The following PCCB variants were observed in gnomAD, a reference collection of about 807,000 sequenced individuals.
The protein encoded by PCCB is propionyl-CoA carboxylase beta chain, mitochondrial.
A neutral mutation model predicts 60.7 loss-of-function variants in PCCB; 43 were observed. The observed-to-expected ratio is 0.71, with a 90% CI of 0.55 to 0.91. PCCB has a LOEUF of 0.91. Ranked by LOEUF, PCCB falls within the 40% of genes least tolerant of loss-of-function variation. The probability of loss-of-function intolerance (pLI) is 0.00; values close to 1 mark genes in which losing one functional copy is unlikely to be tolerated. For missense variants in PCCB, 766 were observed against 702.8 expected, an observed-to-expected ratio of 1.09 and a Z score of -1.02; for synonymous variants, 276 against 255.9, an observed-to-expected ratio of 1.08 and a Z score of -0.75.
chr3:136,287,273 G>A (rs578084203), intron 6 of PCCB, among the ~76,000 whole-genome samples: 4 of 152,112 alleles, frequency 2.6e-5, no homozygotes, highest in Admixed American at 6.5e-5. Flanking sequence ...TGACCTTTAC[G>A]TTAAGTGAAA....
At chr3:136,300,948 C>A (rs1934249159) in intron 8 of PCCB, 82 bp from the exon 9 acceptor site, 1 of 979,276 alleles carries the variant, frequency 1.0e-6, no homozygotes, top group Non-Finnish European at 1.7e-6. Context: ...ACGTGTCACC[C>A]CATTTCCTTT....
At chr3:136,301,428 C>T (rs1383107673) in intron 9 of PCCB, among the ~76,000 whole-genome samples, 3 of 152,072 alleles carry the variant, frequency 2.0e-5, no homozygotes, top group South Asian at 4.2e-4. Flanking sequence ...TAGAGTGAGG[C>T]CAGAGTGATC....
chr3:136,300,065 AAC>A (rs1331717140), intron 8 of PCCB, among the ~76,000 whole-genome samples: 2 of 151,322 alleles, frequency 1.3e-5, no homozygotes, highest in Non-Finnish European at 3.0e-5. Context: ...CATGCATATC[AAC>A]ACATATATGC....
intron 10 of PCCB, among the ~76,000 whole-genome samples, chr3:136,325,572 G>A (rs1280370357): frequency 1.3e-5 from 2 of 151,850 alleles, no homozygotes; most frequent in Non-Finnish European, 1.5e-5. Context: ...TGGCCAGGCT[G>A]GTCTTGAACT....
chr3:136,320,691 T>TA (rs1316052837), intron 10 of PCCB, among the ~76,000 whole-genome samples: 1 of 152,240 alleles, frequency 6.6e-6, no homozygotes, highest in Non-Finnish European at 1.5e-5. Flanking sequence ...TTGTGAATAT[T>TA]ATGAAAGTTG....
At chr3:136,274,235 T>C (rs1385145994) in intron 5 of PCCB, among the ~76,000 whole-genome samples, 1 of 152,142 alleles carries the variant, frequency 6.6e-6, no homozygotes. Flanking sequence ...GTGGGTTTTA[T>C]CTTTCAAGAG....
chr3:136,277,760 C>T (rs1319676240), intron 5 of PCCB, among the ~76,000 whole-genome samples: 1 of 152,188 alleles, frequency 6.6e-6, no homozygotes, highest in African/African-American at 2.4e-5. Context: ...ATCTCACTCC[C>T]TCTGTGCTCT....
At chr3:136,281,107 T>A (rs766761837) in intron 5 of PCCB, among the ~76,000 whole-genome samples, 1 of 152,076 alleles carries the variant, frequency 6.6e-6, no homozygotes, top group Non-Finnish European at 1.5e-5. Context: ...TCCGTGTAGA[T>A]CTCTTTGAGT....
chr3:136,318,782 G>A (rs1414411390), intron 10 of PCCB, among the ~76,000 whole-genome samples: 1 of 152,166 alleles, frequency 6.6e-6, no homozygotes, highest in African/African-American at 2.4e-5. Flanking sequence ...TATGTTGCAT[G>A]TATATACCAC....
chr3:136,261,995 T>C lies in PCCB; in HGVS notation c.473T>C (p.Leu158Pro). Residue 158 changes from leucine (L) to proline (P), a missense_variant, in exon 5 of 15, where the codon CTG becomes CCG. Transcript: ENST00000251654. ...AITVGAPVIGLNDSGGARIQE... is the reference protein window; with the variant it reads ...AITVGAPVIGPNDSGGARIQE... ...ACGGTGGGGGCTCCAGTGATTGGGC[T>C]GAATGACTCTGGGGGAGCACGGATC... The C allele has an allele frequency of 6.4e-7, 1 of 1,562,246 alleles. No individual in the cohort carries two copies. The highest frequency in any genetic ancestry group is 8.7e-7 in the Non-Finnish European group (1 of 1,152,044).
Position 136,298,151 on chromosome 3 carries a change from C to A in PCCB, c.884+79C>A. ...TCTGCCCTGACAGGACCCCCAGGGT[C>A]TGCCTTGTTGGGCAAGTTGCAGCAG... On this transcript the variant is annotated intron_variant, in intron 8 of 14. Transcript: ENST00000251654. The A allele has an allele frequency of 1.9e-6, 3 of 1,588,836 alleles. No homozygotes were observed. The highest frequency in any genetic ancestry group is 2.6e-6 in the Non-Finnish European group (3 of 1,161,172).
intron 10 of PCCB, among the ~76,000 whole-genome samples, chr3:136,325,883 A>C (rs575628514): frequency 6.6e-6 from 1 of 151,884 alleles, no homozygotes; most frequent in Non-Finnish European, 1.5e-5. Flanking sequence ...GCATGATTTC[A>C]GCTCACTGCA....
chr3:136,329,860 A>G (rs199723869), intron 14 of PCCB, 45 bp from the exon 15 acceptor site: 500 of 1,611,972 alleles, frequency 3.1e-4, no homozygotes, highest in Admixed American at 5.0e-4. Flanking sequence ...GGGTGGCATC[A>G]TCTCGGGATG....
chr3:136,261,681 A>G (rs576700967), intron 4 of PCCB, among the ~76,000 whole-genome samples: 74 of 152,336 alleles, frequency 4.9e-4, no homozygotes, highest in Non-Finnish European at 3.2e-4. Flanking sequence ...CTGTGGTTCT[A>G]GAAATGGTTG....
chr3:136,327,532 ATTC>A (rs760752863), intron 12 of PCCB, 99 bp from the exon 13 acceptor site: 38 of 893,256 alleles, frequency 4.3e-5, no homozygotes, highest in Non-Finnish European at 5.4e-5. Flanking sequence ...CAGTAGGGCT[ATTC>A]TTGTTCTTTG....
chr3:136,273,597 C>CTTTTTTCT (rs1942259074), intron 5 of PCCB, among the ~76,000 whole-genome samples: 1 of 45,222 alleles, frequency 2.2e-5, no homozygotes, highest in Non-Finnish European at 4.2e-5. Flanking sequence ...TTTCTTTTTT[C>CTTTTTTCT]TTTTTTTTTT....
Position 136,301,102 on chromosome 3 carries a change from C to A in PCCB, c.957C>A (p.Ile319=), listed in dbSNP as rs868483670. Residue 319 remains isoleucine (I), a synonymous_variant, in exon 9 of 15, where the codon ATC becomes ATA. Transcript: ENST00000251654. ...CCAAAGCCTACAACATGGTGGACAT[C>A]ATACACTCTGTAAGTGCCACATCTG... The part of the protein sequence containing the change: ...ESTKAYNMVD[I]IHSVVDEREF... The A allele has an allele frequency of 3.7e-6, 6 of 1,611,630 alleles. No individual in the cohort carries two copies. The highest frequency in any genetic ancestry group is 5.1e-6 in the Non-Finnish European group (6 of 1,177,788).
intron 5 of PCCB, among the ~76,000 whole-genome samples, chr3:136,273,176 G>T (rs1416443048): frequency 6.6e-6 from 1 of 152,100 alleles, no homozygotes; most frequent in East Asian, 1.9e-4. Context: ...AGTCTGAGAA[G>T]ATACTTGATA....
intron 10 of PCCB, among the ~76,000 whole-genome samples, chr3:136,322,998 GTTTTTT>G (rs35582341): frequency 8.2e-6 from 1 of 121,326 alleles, no homozygotes; most frequent in Non-Finnish European, 1.8e-5. Context: ...TAAATGATGA[GTTTTTT>G]TTTTTTTTTT....
Sources: allele counts gnomAD v4.1 joint callset (sites outside exome capture counted in the v4.1 genomes callset), GRCh38; gene constraint gnomAD v4.1.1; transcripts MANE v1.5; gene names NCBI Gene and HGNC (gene_info 2026-07-23, HGNC 2026-07-21).